Variants in TBC1D22A observed in about 807,000 individuals in gnomAD.
TBC1D22A encodes the protein putative GTPase activator.
A neutral mutation model predicts 60.2 loss-of-function variants in TBC1D22A; 38 were observed. That is an observed-to-expected ratio of 0.63 (90% CI 0.49 to 0.83). The LOEUF (loss-of-function observed/expected upper bound fraction) is 0.83, where lower values mean the gene tolerates loss of function less well. Among genes scored for constraint, TBC1D22A ranks in the 40% least tolerant of loss-of-function variants. TBC1D22A has a pLI of 0.00. For synonymous variants in TBC1D22A, 302 were observed against 281.7 expected, an observed-to-expected ratio of 1.07 and a Z score of -0.72; for missense variants, 628 against 701.0, an observed-to-expected ratio of 0.90 and a Z score of 1.18.
intron 11 of TBC1D22A, among the ~76,000 whole-genome samples, chr22:47,047,885 C>G (rs2063081979): frequency 6.6e-6 from 1 of 152,218 alleles, no homozygotes; most frequent in African/African-American, 2.4e-5. Flanking sequence ...AGACTCTGCT[C>G]CCATCTCTTT....
At chr22:47,148,180 G>A (rs967802803) in intron 12 of TBC1D22A, among the ~76,000 whole-genome samples, 3 of 152,170 alleles carry the variant, frequency 2.0e-5, no homozygotes, top group African/African-American at 7.2e-5. Context: ...CCACCCCATC[G>A]GACAGGTGGG....
intron 11 of TBC1D22A, among the ~76,000 whole-genome samples, chr22:47,046,937 C>T (rs1477965488): frequency 2.0e-5 from 3 of 152,212 alleles, no homozygotes; most frequent in Non-Finnish European, 4.4e-5. Flanking sequence ...CTGCCCCACT[C>T]CAGGCCACAA....
At chr22:47,082,685 C>T (rs902520126) in intron 11 of TBC1D22A, among the ~76,000 whole-genome samples, 2 of 152,230 alleles carry the variant, frequency 1.3e-5, no homozygotes. Flanking sequence ...CAAGGTACTA[C>T]TACACGCCCT....
Position 47,068,847 on chromosome 22 carries a change from A to C in TBC1D22A, c.1329+31649A>C, listed in dbSNP as rs559035592. On this transcript the variant is annotated intron_variant, in intron 11 of 12. Transcript: ENST00000337137. Reference sequence around the variant, plus strand: ...TATTGGACCCATTAATTAATTCCCCATCAGCCAGTTTCCCTGGGAATGAAC... The same window carrying C: ...TATTGGACCCATTAATTAATTCCCCCTCAGCCAGTTTCCCTGGGAATGAAC... Among the ~76,000 whole-genome samples, 19 of 152,336 alleles carry C rather than the reference A, an allele frequency of 1.2e-4. No homozygotes were observed. In the East Asian group the frequency reaches 2.1e-3, roughly 17 times the overall value.
chr22:47,005,617 A>AT (rs1569327867), intron 10 of TBC1D22A, among the ~76,000 whole-genome samples: 4 of 149,416 alleles, frequency 2.7e-5, no homozygotes, highest in Non-Finnish European at 4.5e-5. Flanking sequence ...ATACTCACAT[A>AT]CCCCCTACAA....
chr22:46,775,118 G>A (rs1378657883), intron 1 of TBC1D22A, among the ~76,000 whole-genome samples: 1 of 152,254 alleles, frequency 6.6e-6, no homozygotes, highest in African/African-American at 2.4e-5. Context: ...AGTGGCTCGG[G>A]ATGTGTGGAG....
At chr22:47,136,907 C>T (rs1158331430) in intron 12 of TBC1D22A, among the ~76,000 whole-genome samples, 1 of 152,152 alleles carries the variant, frequency 6.6e-6, no homozygotes, top group Admixed American at 6.5e-5. Flanking sequence ...GTCCCGGTGT[C>T]CCATCTCACG....
chr22:46,967,258 A>G (rs2148089825), intron 8 of TBC1D22A, among the ~76,000 whole-genome samples: 1 of 152,306 alleles, frequency 6.6e-6, no homozygotes, highest in East Asian at 1.9e-4. Context: ...GAGTTTGGCG[A>G]ATTTATAGTC....
chr22:46,993,938 G>A (rs1426219966), intron 9 of TBC1D22A, among the ~76,000 whole-genome samples: 1 of 152,208 alleles, frequency 6.6e-6, no homozygotes, highest in Non-Finnish European at 1.5e-5. Flanking sequence ...TTGGCGCCTC[G>A]CCCTCGGGGG....
chr22:47,105,856 C>T (rs1569449893), intron 11 of TBC1D22A, among the ~76,000 whole-genome samples: 1 of 152,062 alleles, frequency 6.6e-6, no homozygotes, highest in African/African-American at 2.4e-5. Flanking sequence ...GGAAGCAAGC[C>T]ACTGGGGGCA....
chr22:46,811,340 A>G (rs897323881), intron 4 of TBC1D22A, among the ~76,000 whole-genome samples: 1 of 152,220 alleles, frequency 6.6e-6, no homozygotes, highest in African/African-American at 2.4e-5. Flanking sequence ...CATCCGTCAG[A>G]CACGAGTAGG....
intron 3 of TBC1D22A, among the ~76,000 whole-genome samples, chr22:46,794,390 G>T (rs986796385): frequency 2.6e-5 from 4 of 152,234 alleles, no homozygotes; most frequent in African/African-American, 9.6e-5. Flanking sequence ...TGACCCCCTC[G>T]GGTGGGGTCG....
At chr22:47,172,943 A>G (rs1414278331) in intron 12 of TBC1D22A, among the ~76,000 whole-genome samples, 2 of 152,150 alleles carry the variant, frequency 1.3e-5, no homozygotes, top group East Asian at 3.9e-4. Context: ...TCATCTGCTG[A>G]TGGTGCTGGT....
At chr22:46,904,139 CT>C (rs2069245605) in intron 7 of TBC1D22A, among the ~76,000 whole-genome samples, 1 of 106,044 alleles carries the variant, frequency 9.4e-6, no homozygotes, top group African/African-American at 4.0e-5. Context: ...ATCTATCTAT[CT>C]ATCTACCTAC....
chr22:46,801,316 A>C (rs902169675), intron 4 of TBC1D22A, among the ~76,000 whole-genome samples: 1 of 152,256 alleles, frequency 6.6e-6, no homozygotes, highest in Admixed American at 6.5e-5. Flanking sequence ...TTCACATTAC[A>C]TGAAAGACGT....
intron 10 of TBC1D22A, among the ~76,000 whole-genome samples, chr22:47,032,685 G>A (rs765398288): frequency 1.3e-5 from 2 of 152,232 alleles, no homozygotes; most frequent in African/African-American, 2.4e-5. Context: ...AACCTTCAGA[G>A]CAGCGGCCAG....
At chr22:47,037,229 G>T (rs1192271070) in intron 11 of TBC1D22A, 31 bp downstream of exon 11, 1 of 1,609,776 alleles carries the variant, frequency 6.2e-7, no homozygotes. Flanking sequence ...TCCGCCATGG[G>T]GGTGCCAGGA....
intron 1 of TBC1D22A, among the ~76,000 whole-genome samples, chr22:46,781,077 C>T (rs1221364627): frequency 6.6e-6 from 1 of 151,854 alleles, no homozygotes; most frequent in Non-Finnish European, 1.5e-5. Context: ...TGACCAGTGT[C>T]TCCAGCCTGT....
chr22:47,045,201 A>G (rs950177782), intron 11 of TBC1D22A, among the ~76,000 whole-genome samples: 2 of 152,184 alleles, frequency 1.3e-5, no homozygotes, highest in Non-Finnish European at 2.9e-5. Flanking sequence ...CGTGGTGAGG[A>G]TTGTGAACTG....
Sources: gnomAD v4.1 joint callset for allele counts (sites outside exome capture counted in the v4.1 genomes callset) on GRCh38, gnomAD v4.1.1 for gene constraint, MANE v1.5 for transcripts, NCBI Gene and HGNC (gene_info 2026-07-23, HGNC 2026-07-21) for gene names.